Variants in PTPRG observed in about 807,000 individuals in gnomAD.
PTPRG encodes the protein receptor-type tyrosine-protein phosphatase gamma.
Under a neutral mutation model 165.3 loss-of-function variants are expected in PTPRG, and 102 were observed. The ratio of observed to expected loss-of-function variants is 0.62; its 90% CI spans 0.53 to 0.73. PTPRG has a LOEUF of 0.73. PTPRG is among the 30% of genes least tolerant of loss of function. PTPRG has a pLI of 0.00. For missense variants in PTPRG, 1,866 were observed against 1,861.4 expected (o/e 1.00, Z -0.05); for synonymous variants, 675 against 669.5 (o/e 1.01, Z -0.13).
rs917227252 is a variant in PTPRG, at chr3:62,275,880, C to T, written c.3473C>T (p.Thr1158Ile). The T allele has an allele frequency of 1.2e-6, 2 of 1,605,970 alleles. No individual in the cohort carries two copies. The highest frequency in any genetic ancestry group is 1.7e-6 in the Non-Finnish European group (2 of 1,175,346). The change falls in exon 24 of 30, where the codon ACA becomes ATA. Residue 1158 changes from threonine (T) to isoleucine (I), a missense_variant. Physicochemically the swap from Thr to Ile is moderately conservative, Grantham distance 89. Around this residue, in one of 3 missense-constraint regions of PTPRG, gnomAD observed 1,452 missense variants for 1,463.0 expected, o/e 0.99. Transcript: ENST00000474889. ...ATGTTTTTTCTTTTTCAGCTGGTCA[C>T]ACAGTGTAATGCAAAATATGTGGAA... is the stretch of plus-strand genomic sequence containing the variant. Reference protein sequence around the residue: ...TRLEKQFKLVTQCNAKYVECF... With the variant: ...TRLEKQFKLVIQCNAKYVECF...
Position 61,694,583 on chromosome 3 carries a change from A to T in PTPRG, c.86-54295A>T, listed in dbSNP as rs190457151. Among the ~76,000 whole-genome samples the T allele has an allele frequency of 2.2e-3, 340 of 152,324 alleles. 9 individuals carry two copies. The East Asian group carries it at 0.05, about 22-fold the overall frequency. ...AAATTATCCCATGGAAAAACTGCAT[A>T]TCTCTACCAAGGTTTATGTACTAAG... On this transcript the variant is annotated intron_variant, in intron 1 of 29. Coordinates refer to ENST00000474889, the MANE Select transcript of PTPRG (RefSeq NM_002841.4).
chr3:62,026,863 G>A (rs1025210779), intron 4 of PTPRG, among the ~76,000 whole-genome samples: 8 of 74,566 alleles, frequency 1.1e-4, no homozygotes, highest in African/African-American at 5.0e-4. Context: ...TCCAGCCTGG[G>A]AAACCGAGTG....
chr3:61,723,500 T>G (rs552166958), intron 1 of PTPRG, among the ~76,000 whole-genome samples: 1 of 152,316 alleles, frequency 6.6e-6, no homozygotes, highest in East Asian at 1.9e-4. Context: ...TACGAGGTCC[T>G]TGTTTCTATC....
chr3:61,766,585 A>G (rs1418740012), intron 2 of PTPRG, among the ~76,000 whole-genome samples: 2 of 151,030 alleles, frequency 1.3e-5, no homozygotes, highest in African/African-American at 4.9e-5. Flanking sequence ...TCACACATGT[A>G]TTATTTAACA....
chr3:62,085,135 A>C (rs1701706209), intron 5 of PTPRG, among the ~76,000 whole-genome samples: 1 of 152,178 alleles, frequency 6.6e-6, no homozygotes, highest in South Asian at 2.1e-4. Context: ...TAGTGCATTG[A>C]CCTCAATTAT....
chr3:62,051,921 A>G (rs1188872054), intron 4 of PTPRG, among the ~76,000 whole-genome samples: 4 of 152,284 alleles, frequency 2.6e-5, no homozygotes, highest in Non-Finnish European at 2.9e-5. Context: ...ATATATGCCT[A>G]TTGTAAGTAA....
Position 61,662,847 on chromosome 3 carries a change from GATGGTGCAT to G in PTPRG, c.86-86027_86-86019del, listed in dbSNP as rs1302996859. On this transcript the variant is annotated intron_variant, in intron 1 of 29. Transcript: ENST00000474889. ...CTCTCAACTAAGACTTATTGATGGTGATGGTGCATATGTCTGTCGGTCTGCGGAAATGCA... is the reference window on the plus strand; with the variant it reads ...CTCTCAACTAAGACTTATTGATGGTGATGTCTGTCGGTCTGCGGAAATGCA... 1.1e-4 allele frequency among the ~76,000 whole-genome samples: 17 copies of G among 152,336 alleles called. No individual in the cohort carries two copies. In the East Asian group the frequency reaches 3.3e-3, roughly 29 times the overall value.
intron 8 of PTPRG, among the ~76,000 whole-genome samples, chr3:62,186,517 A>G (rs1295055302): frequency 6.7e-6 from 1 of 149,008 alleles, no homozygotes; most frequent in East Asian, 2.0e-4. Context: ...CGGGTGGCCC[A>G]TCGGCCTCAG....
At chr3:61,974,719 G>C (rs972277574) in intron 2 of PTPRG, among the ~76,000 whole-genome samples, 1 of 152,136 alleles carries the variant, frequency 6.6e-6, no homozygotes, top group South Asian at 2.1e-4. Flanking sequence ...GGAAACGTTG[G>C]TACTTTTGTT....
intron 12 of PTPRG, among the ~76,000 whole-genome samples, chr3:62,205,476 A>G (rs890852201): frequency 6.6e-6 from 1 of 152,232 alleles, no homozygotes; most frequent in Non-Finnish European, 1.5e-5. Context: ...AGAATATGCC[A>G]GTAAACAAAT....
intron 2 of PTPRG, among the ~76,000 whole-genome samples, chr3:61,894,501 G>T (rs2038299488): frequency 1.3e-5 from 2 of 151,926 alleles, no homozygotes; most frequent in South Asian, 4.1e-4. Flanking sequence ...TTATTTTTGG[G>T]ATCCATGCTA....
intron 2 of PTPRG, among the ~76,000 whole-genome samples, chr3:61,783,334 G>A (rs887540080): frequency 1.3e-5 from 2 of 152,002 alleles, no homozygotes; most frequent in South Asian, 2.1e-4. Context: ...AGTGAGACCC[G>A]TGTCAAAAGA....
intron 2 of PTPRG, among the ~76,000 whole-genome samples, chr3:61,953,564 A>G (rs751563252): frequency 2.2e-4 from 34 of 152,124 alleles, no homozygotes; most frequent in Non-Finnish European, 4.6e-4. Flanking sequence ...AAGCAGTGTA[A>G]TAAATGTGAT....
rs536131026 is a variant in PTPRG at position 61,689,041 on chromosome 3, C to G, written c.86-59837C>G. On this transcript the variant is annotated intron_variant, in intron 1 of 29. Transcript: ENST00000474889. ...GCCAGTGCTGGCGAAACAGGCCTTA[C>G]TTAGCCCAGGCATTCTGACTGCCAT... 2.1e-4 allele frequency among the ~76,000 whole-genome samples: 32 copies of G among 152,342 alleles called. No homozygotes were observed. In the South Asian group the frequency reaches 6.6e-3, roughly 32 times the overall value.
Position 61,706,302 on chromosome 3 carries a change from G to A in PTPRG, c.86-42576G>A, listed in dbSNP as rs540732915. Among the ~76,000 whole-genome samples, 18 of 152,000 alleles carry A rather than the reference G, an allele frequency of 1.2e-4. No individual in the cohort carries two copies. In the South Asian group the frequency reaches 3.7e-3, roughly 32 times the overall value. On this transcript the variant is annotated intron_variant, in intron 1 of 29. Transcript: ENST00000474889. ...ATGTGAGCTGCATCTGCAACTTAAAGCAACACTCTGACCTATTTCTCTTAC... is the reference window on the plus strand; with the variant it reads ...ATGTGAGCTGCATCTGCAACTTAAAACAACACTCTGACCTATTTCTCTTAC...
At chr3:62,058,908 C>T (rs931752464) in intron 4 of PTPRG, among the ~76,000 whole-genome samples, 6 of 152,156 alleles carry the variant, frequency 3.9e-5, no homozygotes, top group African/African-American at 1.4e-4. Context: ...CCTGCTGTGT[C>T]TTTCCCTTTG....
chr3:62,177,525 A>G (rs546054249), intron 8 of PTPRG, among the ~76,000 whole-genome samples: 2 of 152,204 alleles, frequency 1.3e-5, no homozygotes, highest in Non-Finnish European at 2.9e-5. Flanking sequence ...TCTTCCTGTT[A>G]GAAGTGTGAA....
intron 2 of PTPRG, among the ~76,000 whole-genome samples, chr3:61,939,419 G>C (rs936063738): frequency 6.6e-6 from 1 of 152,214 alleles, no homozygotes; most frequent in Non-Finnish European, 1.5e-5. Context: ...GAAAAAGCCA[G>C]TGCTTAATAA....
chr3:61,565,821 T>C (rs577829890), intron 1 of PTPRG, among the ~76,000 whole-genome samples: 2 of 151,968 alleles, frequency 1.3e-5, no homozygotes, highest in East Asian at 1.9e-4. Flanking sequence ...CTGTCTCTTA[T>C]TTTATTTGCA....
Sources: gnomAD v4.1 joint callset for allele counts (sites outside exome capture counted in the v4.1 genomes callset) on GRCh38, gnomAD v4.1.1 for gene constraint, gnomAD v4.1.1 regional missense constraint, MANE v1.5 for transcripts, NCBI Gene and HGNC (gene_info 2026-07-23, HGNC 2026-07-21) for gene names.